MYO3A: variants seen among roughly 807,000 people sequenced by gnomAD.
MYO3A encodes myosin IIIA.
In MYO3A, 180 loss-of-function variants were observed where a neutral mutation model predicts 192.7. That is an observed-to-expected ratio of 0.93 (90% CI 0.83 to 1.06). The LOEUF is 1.06. MYO3A is among the 50% of genes least tolerant of loss of function. The pLI, the probability that MYO3A is intolerant of heterozygous loss-of-function variation, is 0.00. For missense variants in MYO3A, 1,896 were observed against 1,905.0 expected, an observed-to-expected ratio of 1.00 and a Z score of 0.09; for synonymous variants, 628 against 645.3, an observed-to-expected ratio of 0.97 and a Z score of 0.41.
chr10:26,063,727 A>G (rs1459887895), intron 10 of MYO3A, among the ~76,000 whole-genome samples: 1 of 152,234 alleles, frequency 6.6e-6, no homozygotes, highest in African/African-American at 2.4e-5. Flanking sequence ...ATAAAGTTTT[A>G]TCATACAGAT....
chr10:25,965,961 C>T (rs557228971), intron 4 of MYO3A, among the ~76,000 whole-genome samples: 3,641 of 126,990 alleles, frequency 0.029, 136 homozygotes, highest in African/African-American at 0.099. Context: ...TTTTTTTTTT[C>T]TCTCTCTCTC....
chr10:26,053,655 C>G (rs1844140243), intron 10 of MYO3A, among the ~76,000 whole-genome samples: 6 of 152,164 alleles, frequency 3.9e-5, no homozygotes, highest in Middle Eastern at 3.4e-3. Context: ...GAAACCCCGT[C>G]TCTACTAAAA....
At chr10:26,030,055 A>C (rs1381868260) in intron 10 of MYO3A, among the ~76,000 whole-genome samples, 2 of 152,270 alleles carry the variant, frequency 1.3e-5, no homozygotes, top group African/African-American at 4.8e-5. Flanking sequence ...CTGGCTCCAT[A>C]TAAAAGGAAG....
intron 17 of MYO3A, among the ~76,000 whole-genome samples, chr10:26,101,255 C>A (rs938801184): frequency 2.6e-5 from 4 of 152,138 alleles, no homozygotes; most frequent in Admixed American, 2.6e-4. Flanking sequence ...CTTGGTGGAT[C>A]TTCCTCCAAA....
At chr10:25,941,227 C>A (rs1836465355) in intron 2 of MYO3A, among the ~76,000 whole-genome samples, 1 of 152,160 alleles carries the variant, frequency 6.6e-6, no homozygotes, top group Non-Finnish European at 1.5e-5. Context: ...CTTAGCAGAA[C>A]CCAGAATCCG....
chr10:26,065,516 C>A (rs539823509), intron 10 of MYO3A, among the ~76,000 whole-genome samples: 30 of 126,134 alleles, frequency 2.4e-4, no homozygotes, highest in African/African-American at 9.1e-4. Context: ...ACCTGGGAGG[C>A]GGAGGTTGCA....
intron 25 of MYO3A, among the ~76,000 whole-genome samples, chr10:26,156,638 C>T (rs1841137775): frequency 1.3e-5 from 2 of 152,132 alleles, no homozygotes; most frequent in Admixed American, 6.6e-5. Context: ...ATTGACTTTT[C>T]TGTCCTTATT....
chr10:26,012,036 A>G (rs1237693263), intron 6 of MYO3A, among the ~76,000 whole-genome samples: 1 of 152,208 alleles, frequency 6.6e-6, no homozygotes, highest in Non-Finnish European at 1.5e-5. Context: ...AAAGCATTTA[A>G]CAGAATCCAT....
intron 20 of MYO3A, among the ~76,000 whole-genome samples, chr10:26,142,741 G>C (rs149680090): frequency 4.5e-4 from 69 of 152,294 alleles, no homozygotes; most frequent in African/African-American, 1.5e-3. Flanking sequence ...CTGCTGTCTT[G>C]TAACTACGTA....
Position 25,995,454 on chromosome 10 carries a change from C to G in MYO3A, c.304-1036C>G, listed in dbSNP as rs146863841. The stretch of plus-strand genomic sequence containing the variant: ...ACTTCTTTGCGATGGATTCGAACTT[C>G]CTCCTTTAGCTTGGAGAAGTTTGAT... On this transcript the variant is annotated intron_variant, in intron 4 of 34. Transcript: ENST00000642920. Among the ~76,000 whole-genome samples, 1,280 of 152,316 alleles carry G rather than the reference C, an allele frequency of 8.4e-3. 14 individuals carry two copies. Among genetic ancestry groups the G allele is most frequent in the Non-Finnish European group, 0.012 (797 of 68,036 alleles).
intron 11 of MYO3A, among the ~76,000 whole-genome samples, chr10:26,068,306 T>A (rs907352879): frequency 6.6e-6 from 1 of 152,142 alleles, no homozygotes; most frequent in African/African-American, 2.4e-5. Flanking sequence ...AATTACATTT[T>A]AAAATTTTTC....
intron 10 of MYO3A, among the ~76,000 whole-genome samples, chr10:26,048,695 G>A (rs7476089): frequency 0.16 from 24,790 of 152,032 alleles, 2,304 homozygotes; most frequent in Non-Finnish European, 0.21. Context: ...GAGGGTGGTC[G>A]TGCATTCTAT....
chr10:25,994,085 G>A (rs1459922900), intron 4 of MYO3A, among the ~76,000 whole-genome samples: 6 of 152,030 alleles, frequency 3.9e-5, no homozygotes, highest in Admixed American at 1.3e-4. Flanking sequence ...TTTCTGTCTC[G>A]TTGATCTGTC....
chr10:25,984,438 A>G (rs922303204), intron 4 of MYO3A, among the ~76,000 whole-genome samples: 1 of 152,162 alleles, frequency 6.6e-6, no homozygotes, highest in Non-Finnish European at 1.5e-5. Context: ...CTACATAAAT[A>G]ACACACCTGG....
chr10:26,082,585 A>G (rs1836029028), intron 14 of MYO3A, among the ~76,000 whole-genome samples: 1 of 152,196 alleles, frequency 6.6e-6, no homozygotes, highest in Non-Finnish European at 1.5e-5. Context: ...GTTGCCAGAA[A>G]CTGCAGATAA....
At chr10:26,016,012 C>A (rs1173453480) in intron 6 of MYO3A, among the ~76,000 whole-genome samples, 1 of 152,078 alleles carries the variant, frequency 6.6e-6, no homozygotes, top group Non-Finnish European at 1.5e-5. Context: ...TGGGTTTAAC[C>A]CATCAAGTCC....
At chr10:26,015,886 C>A (rs1189092615) in intron 6 of MYO3A, among the ~76,000 whole-genome samples, 1 of 152,088 alleles carries the variant, frequency 6.6e-6, no homozygotes, top group Non-Finnish European at 1.5e-5. Flanking sequence ...TTTAAATCTC[C>A]TTTAGTACCT....
At chr10:26,102,712 C>T (rs991831923) in intron 17 of MYO3A, among the ~76,000 whole-genome samples, 14 of 152,272 alleles carry the variant, frequency 9.2e-5, no homozygotes, top group African/African-American at 2.4e-4. Context: ...GCTGCAGAAC[C>T]GCAAATATTG....
chr10:26,070,856 G>A (rs57335787), intron 14 of MYO3A, among the ~76,000 whole-genome samples: 71,836 of 151,452 alleles, frequency 0.47, 17,785 homozygotes, highest in Middle Eastern at 0.58. Flanking sequence ...TATTATATGT[G>A]CAAGATTTGT....
Sources: gnomAD v4.1 joint callset for allele counts (sites outside exome capture counted in the v4.1 genomes callset) on GRCh38, gnomAD v4.1.1 for gene constraint, MANE v1.5 for transcripts, NCBI Gene and HGNC (gene_info 2026-07-23, HGNC 2026-07-21) for gene names.